The following EVC2 variants were observed in gnomAD, a reference collection of about 807,000 sequenced individuals.
EVC2 encodes EvC ciliary complex subunit 2.
Under a neutral mutation model 149.3 loss-of-function variants are expected in EVC2, and 148 were observed. The ratio of observed to expected loss-of-function variants is 0.99; its 90% confidence interval spans 0.87 to 1.14. The LOEUF (loss-of-function observed/expected upper bound fraction) is 1.14, where lower values mean the gene tolerates loss of function less well. Ranked by LOEUF, EVC2 falls within the 50% of genes most tolerant of loss-of-function variation. The pLI is 0.00. For synonymous variants in EVC2, 776 were observed against 649.9 expected (o/e 1.19, Z -2.95); for missense variants, 1,854 against 1,627.3 (o/e 1.14, Z -2.40).
rs1241262586 is a variant in EVC2, at chr4:5,708,347, G to A, written c.167C>T (p.Ser56Phe). 2.0e-6 allele frequency: 3 copies of A among 1,486,616 alleles called. No homozygotes were observed. Among genetic ancestry groups the A allele is most frequent in the Non-Finnish European group, 2.7e-6 (3 of 1,124,478 alleles). 92.1% of individuals were successfully genotyped at this position (1,486,616 alleles called of 1,614,324 possible). ...PPRDPQVAPRSGPGLRIPPGR... is the reference protein window; with the variant it reads ...PPRDPQVAPRFGPGLRIPPGR... Reference sequence around the variant, plus strand: ...CGGAGGGATCCTCAGGCCGGGCCCAGACCTAGGAGCCACCTGGGGATCCCG... The same window carrying A: ...CGGAGGGATCCTCAGGCCGGGCCCAAACCTAGGAGCCACCTGGGGATCCCG... Residue 56 changes from serine (S) to phenylalanine (F), a missense_variant, in exon 1 of 22, where the codon TCT (serine) becomes TTT (phenylalanine). By Grantham distance (155) the Ser-to-Phe change is radical (BLOSUM62 -2). Coordinates refer to ENST00000344408, the MANE Select transcript of EVC2 (RefSeq NM_147127.5).
At position 5,623,739 on chromosome 4, in the gene EVC2, G is replaced by A. The variant is rs145594036; in HGVS notation, c.2047-748C>T. Among the ~76,000 whole-genome samples the A allele has an allele frequency of 1.2e-3, 184 of 152,198 alleles. 1 individual carries two copies. The highest frequency in any genetic ancestry group is 7.7e-3 in the South Asian group (37 of 4,814). On this transcript the variant is annotated intron_variant, in intron 13 of 21. Transcript: ENST00000344408. ...GTAGGTAAAGCCCAGGAGACAGACC[G>A]CCTGGGTTCCAGTCCTGGCTCCTCT... is the stretch of plus-strand genomic sequence containing the variant.
In EVC2 at chr4:5,637,143, G is replaced by A. The variant is rs940002031; in HGVS notation, c.1470+3371C>T. Among the ~76,000 whole-genome samples the A allele has an allele frequency of 1.3e-5, 2 of 152,190 alleles. No individual in the cohort carries two copies. The highest frequency in any genetic ancestry group is 4.8e-5 in the African/African-American group (2 of 41,448). On this transcript the variant is annotated intron_variant, in intron 10 of 21. Transcript: ENST00000344408. This position sits in a 1 kb window ranked among gnomAD's most constrained non-coding sequence, Gnocchi z 4.4. The stretch of plus-strand genomic sequence containing the variant: ...GAGAGGGACTGCGTGACAGATGGGA[G>A]TAGGGCACCGACCCAGCATCCTATC...
chr4:5,580,191 GT>G (rs1711630974), intron 17 of EVC2, among the ~76,000 whole-genome samples: 1 of 152,172 alleles, frequency 6.6e-6, no homozygotes. Flanking sequence ...TAGGAAAGTG[GT>G]TTACACAGAA....
At chr4:5,672,252 AG>A (rs1189956955) in intron 7 of EVC2, among the ~76,000 whole-genome samples, 1 of 152,224 alleles carries the variant, frequency 6.6e-6, no homozygotes, top group Non-Finnish European at 1.5e-5. Flanking sequence ...AGCCTGGAGA[AG>A]GACTGGCCTG....
Position 5,696,826 on chromosome 4 carries a change from G to A in EVC2, c.283+767C>T, listed in dbSNP as rs1372590900. ...CACTGAGTGTGGCAAGCTGAATAAAGGTCCGCAAAGACAGCCAGGTCCTAA... is the reference window on the plus strand; with the variant it reads ...CACTGAGTGTGGCAAGCTGAATAAAAGTCCGCAAAGACAGCCAGGTCCTAA... On this transcript the variant is annotated intron_variant, in intron 2 of 21. Coordinates refer to ENST00000344408, the MANE Select transcript of EVC2 (RefSeq NM_147127.5). The surrounding 1 kb of genome is among the most constrained non-coding windows in gnomAD (Gnocchi z 4.1). Among the ~76,000 whole-genome samples the A allele has an allele frequency of 1.3e-5, 2 of 152,186 alleles. No individual in the cohort carries two copies. The highest frequency in any genetic ancestry group is 2.9e-5 in the Non-Finnish European group (2 of 68,032).
intron 14 of EVC2, among the ~76,000 whole-genome samples, chr4:5,620,599 G>C (rs1715617541): frequency 6.6e-6 from 1 of 152,150 alleles, no homozygotes; most frequent in African/African-American, 2.4e-5. Context: ...GGAAATAAAG[G>C]CTGCAACCTT....
chr4:5,667,184 A>G (rs1002223057), intron 7 of EVC2, among the ~76,000 whole-genome samples: 1 of 152,100 alleles, frequency 6.6e-6, no homozygotes, highest in African/African-American at 2.4e-5. Flanking sequence ...TCTCCATTTC[A>G]CTAAAATAAA....
chr4:5,627,231 G>C (rs977245035), intron 12 of EVC2, among the ~76,000 whole-genome samples: 3 of 152,136 alleles, frequency 2.0e-5, no homozygotes, highest in East Asian at 1.9e-4. Context: ...ACAGGTGAAG[G>C]AATCAGTAGT....
At chr4:5,602,710 T>G (rs1714085535) in intron 16 of EVC2, among the ~76,000 whole-genome samples, 1 of 152,190 alleles carries the variant, frequency 6.6e-6, no homozygotes, top group Non-Finnish European at 1.5e-5. Flanking sequence ...AAGCCATAAA[T>G]ACTGACCTAA....
chr4:5,689,016 A>G, intron 5 of EVC2, 141 bp downstream of exon 5: 1 of 899,864 alleles, frequency 1.1e-6, no homozygotes. Context: ...TGATACCCTG[A>G]TAGTAAGATC....
chr4:5,662,467 TTAATA>T (rs925291219), intron 9 of EVC2, among the ~76,000 whole-genome samples: 4 of 144,728 alleles, frequency 2.8e-5, no homozygotes, highest in Admixed American at 2.1e-4. Context: ...ATAATTATTA[TTAATA>T]TAATATTAAA....
rs1715098914 is a variant in EVC2, at chr4:5,614,657, T to C, written c.2829+765A>G. Among the ~76,000 whole-genome samples the C allele has an allele frequency of 6.6e-6, 1 of 152,140 alleles. No individual in the cohort carries two copies. The highest frequency in any genetic ancestry group is 6.6e-5 in the Admixed American group (1 of 15,266). On this transcript the variant is annotated intron_variant, in intron 16 of 21. Coordinates refer to ENST00000344408, the MANE Select transcript of EVC2 (RefSeq NM_147127.5). The surrounding 1 kb of genome is among the most constrained non-coding windows in gnomAD (Gnocchi z 4.7). ...CAGATTAAAGCATCCTAGGAGACTG[T>C]GTGGTGTGTGCTAGAACATCACGTA...
chr4:5,685,069 G>C (rs535358214), intron 6 of EVC2, among the ~76,000 whole-genome samples: 13 of 152,228 alleles, frequency 8.5e-5, no homozygotes, highest in Non-Finnish European at 1.3e-4. Flanking sequence ...CTACCGGTTA[G>C]TTGCTTACAG....
chr4:5,534,046 T>C, the EVC2 span, among the ~76,000 whole-genome samples: 4 of 152,190 alleles, frequency 2.6e-5, no homozygotes, highest in African/African-American at 7.2e-5. Context: ...TTGGATTTTA[T>C]TCTTAAGAGC....
intron 9 of EVC2, among the ~76,000 whole-genome samples, chr4:5,659,865 T>C (rs1432191990): frequency 1.3e-5 from 2 of 152,216 alleles, no homozygotes; most frequent in Non-Finnish European, 2.9e-5. Context: ...CAGAAGGTTA[T>C]AGAGTACCAC....
At chr4:5,667,310 AT>A in intron 7 of EVC2, among the ~76,000 whole-genome samples, 1 of 151,962 alleles carries the variant, frequency 6.6e-6, no homozygotes, top group African/African-American at 2.4e-5. Context: ...GTTTTCTAAT[AT>A]TTCTACAATG....
chr4:5,529,878 G>A, the EVC2 span, among the ~76,000 whole-genome samples: 1 of 149,082 alleles, frequency 6.7e-6, no homozygotes, highest in African/African-American at 2.5e-5. The surrounding 1 kb of genome is among the most constrained non-coding windows in gnomAD (Gnocchi z 4.5). Flanking sequence ...GTGCAGTGGT[G>A]CAATCTCGGC....
chr4:5,650,262 C>T (rs888907987), intron 9 of EVC2, among the ~76,000 whole-genome samples: 15 of 152,028 alleles, frequency 9.9e-5, no homozygotes, highest in Non-Finnish European at 1.5e-4. Flanking sequence ...GAAGGCTCAG[C>T]CCTGGAAGAG....
At chr4:5,595,090 G>C (rs1019285196) in intron 16 of EVC2, among the ~76,000 whole-genome samples, 6 of 152,246 alleles carry the variant, frequency 3.9e-5, no homozygotes, top group African/African-American at 1.4e-4. Flanking sequence ...ATGTACGTCT[G>C]ATTGGTGTAC....
Sources: gnomAD v4.1 joint callset for allele counts (sites outside exome capture counted in the v4.1 genomes callset) on GRCh38, gnomAD v4.1.1 for gene constraint, Gnocchi (gnomAD v3.1) non-coding constraint, MANE v1.5 for transcripts, NCBI Gene and HGNC (gene_info 2026-07-23, HGNC 2026-07-21) for gene names.